Variants in CSPP1 observed in about 807,000 individuals in gnomAD.
CSPP1 encodes centrosome and spindle pole associated protein 1.
Under a neutral mutation model 164.4 loss-of-function variants are expected in CSPP1, and 126 were observed. That is an observed-to-expected ratio of 0.77 (90% CI 0.66 to 0.89). The LOEUF (loss-of-function observed/expected upper bound fraction) is 0.89. CSPP1 is among the 40% of genes least tolerant of loss of function. The pLI, the probability that CSPP1 is intolerant of heterozygous loss-of-function variation, is 0.00. For missense variants in CSPP1, 1,395 were observed against 1,449.8 expected (o/e 0.96, Z 0.61); for synonymous variants, 472 against 476.7 (o/e 0.99, Z 0.13).
chr8:67,175,203 A>T (rs922371394), intron 25 of CSPP1, 93 bp from the exon 26 acceptor site: 2 of 885,872 alleles, frequency 2.3e-6, no homozygotes, highest in Non-Finnish European at 3.6e-6. Flanking sequence ...TGATTTTGAA[A>T]TTAGGTTACT....
In CSPP1 at chr8:67,163,662, A is replaced by G. The variant is rs1586646419; in HGVS notation, c.2644-70A>G. On this transcript the variant is annotated intron_variant, in intron 22 of 30. Transcript: ENST00000678616. The stretch of plus-strand genomic sequence containing the variant: ...TTCCTTTACATATAAATACTTCAAA[A>G]AATTACTCCCTTCAAGCTTCTGTGT... The G allele has an allele frequency of 2.6e-5, 30 of 1,161,166 alleles. No homozygotes were observed. In the East Asian group the frequency reaches 6.9e-4, roughly 27 times the overall value. 71.9% of individuals were successfully genotyped at this position (1,161,166 alleles called of 1,614,324 possible). A position where few individuals can be genotyped will look rare whatever the true frequency, so the allele number is the denominator to read the frequency against.
At chr8:67,176,099 C>T (rs1831558484) in intron 26 of CSPP1, among the ~76,000 whole-genome samples, 1 of 149,228 alleles carries the variant, frequency 6.7e-6, no homozygotes, top group Non-Finnish European at 1.5e-5. Flanking sequence ...GGTGGGTGGG[C>T]ACCTAGAAGC....
chr8:67,178,291 A>T (rs1435592970), intron 27 of CSPP1, among the ~76,000 whole-genome samples: 1 of 152,136 alleles, frequency 6.6e-6, no homozygotes, highest in African/African-American at 2.4e-5. Flanking sequence ...AAAGGAAGGG[A>T]ACAGAGAATG....
chr8:67,176,644 GGCAGCTTA>G (rs1831713292), intron 26 of CSPP1, among the ~76,000 whole-genome samples: 1 of 152,084 alleles, frequency 6.6e-6, no homozygotes, highest in South Asian at 2.1e-4. Context: ...GTGGGATTTT[GGCAGCTTA>G]GACTGATTAG....
rs953252066 is a variant in CSPP1 at position 67,154,226 on chromosome 8, T to C, written c.2241+90T>C. On this transcript the variant is annotated intron_variant, in intron 19 of 30. Coordinates refer to ENST00000678616, the MANE Select transcript of CSPP1 (RefSeq NM_001382391.1). ...TTTCTCCAGGATAAATACTAAATTC[T>C]AAAATGCCATACTGTTATCTAAAAT... 6.0e-6 allele frequency: 4 copies of C among 666,706 alleles called. No individual in the cohort carries two copies. The East Asian group carries it at 1.1e-4, about 18-fold the overall frequency. 41.3% of individuals were successfully genotyped at this position (666,706 alleles called of 1,614,324 possible). A position where few individuals can be genotyped will look rare whatever the true frequency, so the allele number is the denominator to read the frequency against.
At position 67,095,722 on chromosome 8, in the gene CSPP1, A is replaced by G; in HGVS notation, c.913A>G (p.Thr305Ala). 1 of 1,560,844 alleles carries G rather than the reference A, an allele frequency of 6.4e-7. No homozygotes were observed. The highest frequency in any genetic ancestry group is 1.2e-5 in the South Asian group (1 of 85,402). ...TGATAGAAGACTTTCGAGAGTGTATACAAATGACAGGTATTTACAACTTCA... is the reference window on the plus strand; with the variant it reads ...TGATAGAAGACTTTCGAGAGTGTATGCAAATGACAGGTATTTACAACTTCA... Reference protein sequence around the residue: ...DFDRRLSRVYTNDRMHRNKRG... With the variant: ...DFDRRLSRVYANDRMHRNKRG... The change falls in exon 7 of 31, where the codon ACA becomes GCA. Residue 305 changes from threonine (T) to alanine (A), a missense_variant. Transcript: ENST00000678616.
intron 15 of CSPP1, among the ~76,000 whole-genome samples, chr8:67,127,344 T>C (rs1335746428): frequency 1.3e-5 from 2 of 152,154 alleles, no homozygotes; most frequent in East Asian, 3.9e-4. Flanking sequence ...GTGAGGGCCC[T>C]TTTCCTGGCT....
intron 15 of CSPP1, among the ~76,000 whole-genome samples, chr8:67,122,001 G>A (rs1370168411): frequency 6.6e-6 from 1 of 151,726 alleles, no homozygotes; most frequent in Non-Finnish European, 1.5e-5. Context: ...AAGATTAATA[G>A]TGATGCCCCT....
At chr8:67,088,301 T>G (rs1309928809) in intron 4 of CSPP1, among the ~76,000 whole-genome samples, 8 of 152,126 alleles carry the variant, frequency 5.3e-5, no homozygotes, top group East Asian at 2.0e-4. Flanking sequence ...TTTTGGTTTT[T>G]TTTTGAGACA....
At position 67,158,569 on chromosome 8, in the gene CSPP1, G is replaced by GGAAAA. The variant is rs770180877; in HGVS notation, c.2372_2376dup (p.Glu793LysfsTer10). On this transcript the variant is annotated frameshift_variant, in exon 20 of 31. Transcript: ENST00000678616. LOFTEE classifies it high-confidence loss of function. ...TTCAGCAGGAGTATGAAGAGGAACA[G>GGAAAA]GAAAAGAAAAGAGAGAAAGAGGAGG... 2.5e-6 allele frequency: 4 copies of GGAAAA among 1,606,116 alleles called. No homozygotes were observed. Among genetic ancestry groups the GGAAAA allele is most frequent in the Non-Finnish European group, 8.5e-7 (1 of 1,176,190 alleles).
chr8:67,160,582 A>G (rs1394182991), intron 21 of CSPP1, among the ~76,000 whole-genome samples: 1 of 151,852 alleles, frequency 6.6e-6, no homozygotes, highest in Non-Finnish European at 1.5e-5. Flanking sequence ...TTATGATATT[A>G]TAATTTAATT....
At chr8:67,164,653 A>C (rs1828972858) in intron 24 of CSPP1, 145 bp downstream of exon 24, 7 of 523,924 alleles carry the variant, frequency 1.3e-5, no homozygotes, top group African/African-American at 1.9e-5. Flanking sequence ...TTACAAAATC[A>C]GCTGTAGAAA....
rs145379756 is a variant in CSPP1 at position 67,124,487 on chromosome 8, T to C, written c.1697+5666T>C. ...GTTTTATAATTATTGCCTTATGCAA[T>C]TGTCTTTTATTTATTTATAAATTTA... On this transcript the variant is annotated intron_variant, in intron 15 of 30. Transcript: ENST00000678616. Among the ~76,000 whole-genome samples the C allele has an allele frequency of 4.4e-3, 665 of 152,232 alleles. 4 individuals are homozygous for C. The highest frequency in any genetic ancestry group is 0.015 in the African/African-American group (631 of 41,544).
chr8:67,139,658 C>A (rs938779479), intron 17 of CSPP1, among the ~76,000 whole-genome samples: 1 of 152,184 alleles, frequency 6.6e-6, no homozygotes, highest in Non-Finnish European at 1.5e-5. Context: ...GAATACTATG[C>A]AGCCATAAAA....
intron 15 of CSPP1, among the ~76,000 whole-genome samples, chr8:67,128,586 CTAATA>C (rs1158759166): frequency 6.6e-6 from 1 of 150,812 alleles, no homozygotes; most frequent in Non-Finnish European, 1.5e-5. Flanking sequence ...CTTAAACAGG[CTAATA>C]CAGAGTGTGG....
At chr8:67,086,728 C>G (rs992095977) in intron 4 of CSPP1, 2 of 530,206 alleles carry the variant, frequency 3.8e-6, no homozygotes, top group African/African-American at 4.0e-5. Context: ...ATGTTTGTTC[C>G]AAGTGTACAA....
At chr8:67,188,101 A>G (rs895371002) in intron 28 of CSPP1, among the ~76,000 whole-genome samples, 2 of 152,258 alleles carry the variant, frequency 1.3e-5, no homozygotes, top group Admixed American at 1.3e-4. Context: ...AGAAGACAGG[A>G]CAGAGACTGT....
At chr8:67,146,382 C>T (rs1023846073) in intron 17 of CSPP1, among the ~76,000 whole-genome samples, 6 of 151,926 alleles carry the variant, frequency 3.9e-5, no homozygotes, top group Non-Finnish European at 5.9e-5. Flanking sequence ...CTCAGCCTCC[C>T]GAAGTGTTGA....
At chr8:67,113,565 C>G (rs1817319470) in intron 10 of CSPP1, among the ~76,000 whole-genome samples, 1 of 152,020 alleles carries the variant, frequency 6.6e-6, no homozygotes, top group Non-Finnish European at 1.5e-5. Flanking sequence ...TTGAAATACT[C>G]TAGGCATTGG....
Sources: gnomAD v4.1 joint callset for allele counts (sites outside exome capture counted in the v4.1 genomes callset) on GRCh38, gnomAD v4.1.1 for gene constraint, MANE v1.5 for transcripts, NCBI Gene and HGNC (gene_info 2026-07-23, HGNC 2026-07-21) for gene names.